The following SNX29 variants were observed in gnomAD, a reference collection of about 807,000 sequenced individuals.
The protein encoded by SNX29 is sorting nexin-29.
Under a neutral mutation model 102.1 loss-of-function variants are expected in SNX29, and 78 were observed. The ratio of observed to expected loss-of-function variants is 0.76; its 90% CI spans 0.64 to 0.92. SNX29 has a LOEUF of 0.92. Ranked by LOEUF, SNX29 falls within the 40% of genes least tolerant of loss-of-function variation. SNX29 has a pLI of 0.00. For synonymous variants in SNX29, 580 were observed against 414.5 expected (o/e 1.40, Z -4.85); for missense variants, 1,280 against 1,061.7 (o/e 1.21, Z -2.86).
At chr16:12,221,958 T>C (rs1041800789) in intron 14 of SNX29, among the ~76,000 whole-genome samples, 4 of 152,216 alleles carry the variant, frequency 2.6e-5, no homozygotes, top group African/African-American at 9.6e-5. Context: ...GACGAGCAAG[T>C]GAGCTCTCCC....
At chr16:12,122,692 A>G (rs368725389) in intron 11 of SNX29, among the ~76,000 whole-genome samples, 50 of 152,280 alleles carry the variant, frequency 3.3e-4, no homozygotes, top group African/African-American at 1.1e-3. Context: ...GAGAGGGCCT[A>G]GGTGGAGATG....
At chr16:12,037,379 A>T (rs941220102) in intron 4 of SNX29, among the ~76,000 whole-genome samples, 8 of 152,168 alleles carry the variant, frequency 5.3e-5, no homozygotes, top group Non-Finnish European at 1.2e-4. Context: ...ACTTGTGCGA[A>T]GAGACCCTGT....
At chr16:12,333,736 T>G (rs2081362882) in intron 15 of SNX29, among the ~76,000 whole-genome samples, 1 of 152,114 alleles carries the variant, frequency 6.6e-6, no homozygotes, top group Admixed American at 6.5e-5. Flanking sequence ...TCTTATTACT[T>G]CAGCCATTAT....
chr16:12,425,741 G>C (rs564607558), intron 18 of SNX29, among the ~76,000 whole-genome samples: 1 of 152,104 alleles, frequency 6.6e-6, no homozygotes, highest in Admixed American at 6.5e-5. Flanking sequence ...GCCAGGGTCT[G>C]CTCTTCCCCA....
At chr16:12,565,132 A>T (rs2078942597) in intron 20 of SNX29, among the ~76,000 whole-genome samples, 1 of 151,612 alleles carries the variant, frequency 6.6e-6, no homozygotes, top group Admixed American at 6.6e-5. Context: ...TATCCACATT[A>T]GCCCCCACTT....
chr16:12,220,614 A>T (rs1205882995), intron 14 of SNX29, among the ~76,000 whole-genome samples: 1 of 152,198 alleles, frequency 6.6e-6, no homozygotes, highest in Non-Finnish European at 1.5e-5. Flanking sequence ...GTTTCTGTGC[A>T]CATCAGAGAC....
chr16:12,253,703 TG>T (rs1417268974), intron 14 of SNX29, among the ~76,000 whole-genome samples: 4 of 151,948 alleles, frequency 2.6e-5, no homozygotes, highest in Non-Finnish European at 5.9e-5. Flanking sequence ...CCCTGGGGCC[TG>T]GTGAGGTTGG....
intron 16 of SNX29, among the ~76,000 whole-genome samples, chr16:12,376,517 T>C (rs2082878865): frequency 6.6e-6 from 1 of 151,868 alleles, no homozygotes; most frequent in Non-Finnish European, 1.5e-5. Flanking sequence ...AGGTGGATCA[T>C]TTGAGGTCAG....
chr16:12,100,028 C>T (rs1044514479), intron 11 of SNX29, among the ~76,000 whole-genome samples: 4 of 152,194 alleles, frequency 2.6e-5, no homozygotes, highest in African/African-American at 9.7e-5. Context: ...GCCTCTCTCT[C>T]ATTGAGCAGA....
Position 12,525,652 on chromosome 16 carries a change from G to A in SNX29, c.2318+811G>A, listed in dbSNP as rs191833721. On this transcript the variant is annotated intron_variant, in intron 20 of 20. Transcript: ENST00000566228. Reference sequence around the variant, plus strand: ...GGTTGCAGTGAGCTGAGATTGTGCCGCTGCACTCCAGCCTGGGTGACAGAG... The same window carrying A: ...GGTTGCAGTGAGCTGAGATTGTGCCACTGCACTCCAGCCTGGGTGACAGAG... 3.4e-3 allele frequency among the ~76,000 whole-genome samples: 509 copies of A among 149,910 alleles called. 5 individuals are homozygous for A. The highest frequency in any genetic ancestry group is 0.012 in the African/African-American group (485 of 40,700).
At chr16:12,275,317 G>A (rs2079210534) in intron 14 of SNX29, among the ~76,000 whole-genome samples, 1 of 152,094 alleles carries the variant, frequency 6.6e-6, no homozygotes, top group Non-Finnish European at 1.5e-5. Context: ...AGAAGAATGG[G>A]AGAAACTCAG....
chr16:12,392,342 C>A (rs151227618), intron 16 of SNX29, among the ~76,000 whole-genome samples: 1 of 152,158 alleles, frequency 6.6e-6, no homozygotes, highest in Non-Finnish European at 1.5e-5. Context: ...TTATGTTGTC[C>A]ATCACTCTTT....
intron 3 of SNX29, among the ~76,000 whole-genome samples, chr16:12,018,065 C>T (rs927456748): frequency 1.3e-5 from 2 of 152,096 alleles, no homozygotes; most frequent in Non-Finnish European, 2.9e-5. Context: ...GCCACCACGC[C>T]TGGCCTGTAC....
chr16:12,196,069 C>T lies in SNX29; in HGVS notation c.1596-3532C>T, dbSNP rs142728801. On this transcript the variant is annotated intron_variant, in intron 13 of 20. Coordinates refer to ENST00000566228, the MANE Select transcript of SNX29 (RefSeq NM_032167.5). ...TTGTTCACTGCAACCTCCACCTCCC[C>T]GGCTCAAACGATCCTCCCACCTCAG... 6.0e-4 allele frequency among the ~76,000 whole-genome samples: 91 copies of T among 151,092 alleles called. 1 individual carries two copies. The East Asian group carries it at 0.014, about 24-fold the overall frequency.
chr16:12,449,375 A>G (rs541555226), intron 18 of SNX29, among the ~76,000 whole-genome samples: 1 of 152,082 alleles, frequency 6.6e-6, no homozygotes. Context: ...AGGCACGGCA[A>G]GGACAGGGAT....
chr16:12,324,729 T>C (rs1437761210), intron 15 of SNX29, among the ~76,000 whole-genome samples: 1 of 152,096 alleles, frequency 6.6e-6, no homozygotes, highest in Non-Finnish European at 1.5e-5. Context: ...CTAGTCCCTT[T>C]GATGATAAAC....
intron 14 of SNX29, among the ~76,000 whole-genome samples, chr16:12,241,647 A>G (rs774058476): frequency 6.6e-6 from 1 of 152,084 alleles, no homozygotes; most frequent in Non-Finnish European, 1.5e-5. Flanking sequence ...TTTTTAGTAG[A>G]GATGGGGTTT....
intron 14 of SNX29, among the ~76,000 whole-genome samples, chr16:12,226,444 T>A (rs1002772388): frequency 6.6e-6 from 1 of 152,102 alleles, no homozygotes; most frequent in Non-Finnish European, 1.5e-5. Flanking sequence ...AAAGAGAATC[T>A]ATAGACTGTA....
chr16:12,559,196 G>C (rs184662273), intron 20 of SNX29, among the ~76,000 whole-genome samples: 63 of 152,118 alleles, frequency 4.1e-4, no homozygotes, highest in African/African-American at 1.5e-3. Context: ...CTACACAGTG[G>C]GTGAGCAGCG....
Sources: gnomAD v4.1 joint callset for allele counts (sites outside exome capture counted in the v4.1 genomes callset) on GRCh38, gnomAD v4.1.1 for gene constraint, MANE v1.5 for transcripts, NCBI Gene and HGNC (gene_info 2026-07-23, HGNC 2026-07-21) for gene names.